Variants in LY75 observed in about 807,000 individuals in gnomAD.
The protein encoded by LY75 is lymphocyte antigen 75.
In LY75, 185 loss-of-function variants were observed where a neutral mutation model predicts 231.7. That is an observed-to-expected ratio of 0.80 (90% CI 0.71 to 0.90). The LOEUF (loss-of-function observed/expected upper bound fraction) is 0.90. LY75 is among the 40% of genes least tolerant of loss of function. LY75 has a pLI of 0.00. For synonymous variants in LY75, 668 were observed against 689.0 expected, an observed-to-expected ratio of 0.97 and a Z score of 0.48; for missense variants, 1,947 against 2,050.2, an observed-to-expected ratio of 0.95 and a Z score of 0.97.
intron 23 of LY75, among the ~76,000 whole-genome samples, chr2:159,844,167 A>C (rs533312934): frequency 6.6e-6 from 1 of 152,268 alleles, no homozygotes; most frequent in East Asian, 1.9e-4. Context: ...GACTCTATGA[A>C]GAGAGAGGAA....
At chr2:159,863,372 C>A (rs1684770368) in intron 14 of LY75, among the ~76,000 whole-genome samples, 1 of 152,102 alleles carries the variant, frequency 6.6e-6, no homozygotes, top group South Asian at 2.1e-4. Context: ...TTTGAGGGAC[C>A]TTCATAGTGT....
At chr2:159,829,865 A>G (rs972718024) in intron 28 of LY75, among the ~76,000 whole-genome samples, 3 of 152,188 alleles carry the variant, frequency 2.0e-5, no homozygotes, top group Non-Finnish European at 4.4e-5. Context: ...CTTTTTCAGA[A>G]TTTATAATAG....
At chr2:159,846,316 G>A (rs1574552743) in intron 23 of LY75, among the ~76,000 whole-genome samples, 1 of 152,192 alleles carries the variant, frequency 6.6e-6, no homozygotes, top group East Asian at 1.9e-4. Flanking sequence ...CTTGAAGCCA[G>A]GGGTTCCAGA....
chr2:159,864,265 G>A (rs1039086529), intron 14 of LY75, among the ~76,000 whole-genome samples: 1 of 151,914 alleles, frequency 6.6e-6, no homozygotes, highest in African/African-American at 2.4e-5. Context: ...TGTCTATTTT[G>A]GTTTTTGTTG....
intron 15 of LY75, 88 bp from the exon 16 acceptor site, chr2:159,858,564 T>C: frequency 7.2e-7 from 1 of 1,390,198 alleles, no homozygotes; most frequent in South Asian, 1.6e-5. Context: ...CTTTGATCTC[T>C]ATTTTAGCTC....
chr2:159,886,351 G>A (rs2271383), intron 5 of LY75, 69 bp downstream of exon 5: 267,965 of 1,467,292 alleles, frequency 0.18, 26,239 homozygotes, highest in Admixed American at 0.36. Flanking sequence ...CTAAGCTATT[G>A]GTGAGTGAGA....
In LY75 at chr2:159,872,459, G is replaced by A. The variant is rs201774339; in HGVS notation, c.2109C>T (p.Asp703=). ...CATTCTTAAAGTATTACCTGAACTG[G>A]TCCGTTAAAAAGTGAAGAAATTCCT... ...EIKEFLHFLT[D]QFSGQHWLWI... The change falls in exon 13 of 35, where the codon GAC becomes GAT. Residue 703 remains aspartate, a synonymous_variant. Transcript: ENST00000263636. 5 of 1,613,536 alleles carry A rather than the reference G, an allele frequency of 3.1e-6. No homozygotes were observed. In the East Asian group the frequency reaches 8.9e-5, roughly 29 times the overall value.
intron 25 of LY75, among the ~76,000 whole-genome samples, chr2:159,836,043 A>G (rs1192649971): frequency 1.3e-5 from 2 of 152,154 alleles, no homozygotes; most frequent in African/African-American, 4.8e-5. Flanking sequence ...GAAAGCTAAA[A>G]TGGGGTGAGG....
intron 31 of LY75, among the ~76,000 whole-genome samples, chr2:159,812,037 T>G (rs753927341): frequency 5.9e-5 from 9 of 152,236 alleles, no homozygotes; most frequent in Non-Finnish European, 1.3e-4. Flanking sequence ...TGCTGATTAC[T>G]CATTGTTGCA....
chr2:159,835,907 A>G (rs1269006379), intron 25 of LY75, among the ~76,000 whole-genome samples: 1 of 152,196 alleles, frequency 6.6e-6, no homozygotes, highest in African/African-American at 2.4e-5. Context: ...ACTTGTGCAA[A>G]GTCCCACAGA....
intron 1 of LY75, among the ~76,000 whole-genome samples, chr2:159,900,367 A>C (rs1686038134): frequency 6.6e-6 from 1 of 152,262 alleles, no homozygotes; most frequent in Non-Finnish European, 1.5e-5. Flanking sequence ...TTTACAAAGG[A>C]AAATTTTAAA....
intron 3 of LY75, 107 bp from the exon 4 acceptor site, chr2:159,890,484 C>A: frequency 6.8e-7 from 1 of 1,470,280 alleles, no homozygotes; most frequent in Non-Finnish European, 9.2e-7. Flanking sequence ...TTAGGATATG[C>A]CCAAAGGGAG....
intron 9 of LY75, 113 bp from the exon 10 acceptor site, chr2:159,878,834 C>T: frequency 8.7e-7 from 1 of 1,151,214 alleles, no homozygotes; most frequent in East Asian, 2.5e-5. Flanking sequence ...AAATTGAGGA[C>T]ATGGCTATTG....
Position 159,810,673 on chromosome 2 carries a change from T to C in LY75, c.4552A>G (p.Lys1518Glu), listed in dbSNP as rs1682933186. ...GAICYKPTKSKKLSRLTYSSR... is the reference protein window; with the variant it reads ...GAICYKPTKSEKLSRLTYSSR... ...GAATATGTAAGACGGGACAGCTTTT[T>C]AGCTATAAAAATGTTAGACACAGTT... Residue 1518 changes from lysine to glutamate, a missense_variant and splice_region_variant, in exon 32 of 35, where the codon AAA becomes GAA. By Grantham distance (56) the Lys-to-Glu change is moderately conservative. Transcript: ENST00000263636. 1 of 1,607,214 alleles carries C rather than the reference T, an allele frequency of 6.2e-7. No homozygotes were observed. Among genetic ancestry groups the C allele is most frequent in the African/African-American group, 1.3e-5 (1 of 74,434 alleles).
Position 159,837,675 on chromosome 2 carries a change from A to T in LY75, c.3508-2030T>A, listed in dbSNP as rs2556100. Among the ~76,000 whole-genome samples the T allele has an allele frequency of 0.016, 2,327 of 142,850 alleles. 146 individuals carry two copies. The East Asian group carries it at 0.22, about 13-fold the overall frequency. The allele number at this position is 142,850 out of a possible 152,430, so 93.7% of individuals were successfully genotyped here. On this transcript the variant is annotated intron_variant, in intron 25 of 34. Coordinates refer to ENST00000263636, the MANE Select transcript of LY75 (RefSeq NM_002349.4). ...TAAATCTGGCTTTTCCAAGGGAATA[A>T]TCTCCTTTCAGCACCCACAGGGGAA...
intron 14 of LY75, 28 bp downstream of exon 14, chr2:159,864,811 T>C: frequency 4.6e-6 from 7 of 1,525,174 alleles, no homozygotes; most frequent in Non-Finnish European, 6.2e-6. Context: ...GTTTCCATAC[T>C]ACCTAAAACA....
chr2:159,847,203 G>A (rs1408236791), intron 23 of LY75, among the ~76,000 whole-genome samples: 2 of 152,038 alleles, frequency 1.3e-5, no homozygotes, highest in African/African-American at 4.8e-5. Flanking sequence ...TAGTAGAGAC[G>A]GGGTTTCACT....
chr2:159,844,583 C>T (rs1002140300), intron 23 of LY75, among the ~76,000 whole-genome samples: 3 of 151,724 alleles, frequency 2.0e-5, no homozygotes, highest in Non-Finnish European at 2.9e-5. Flanking sequence ...GAAATGAAAA[C>T]GAGAGAGGTA....
chr2:159,803,526 AC>A lies in LY75; in HGVS notation c.*1517del, dbSNP rs1682716111. On this transcript the variant is annotated 3_prime_UTR_variant, in exon 35 of 35. Transcript: ENST00000263636. ...CTAACAAATTCAATAAGAAATCAGG[AC>A]AACTGTAGACTATATAAAAACTGTC... 1 of 152,216 alleles carries A rather than the reference AC, an allele frequency of 6.6e-6. No individual in the cohort carries two copies. 9.4% of individuals were successfully genotyped at this position (152,216 alleles called of 1,614,324 possible). A position where few individuals can be genotyped will look rare whatever the true frequency, so the allele number is the denominator to read the frequency against.
Sources: gnomAD v4.1 joint callset for allele counts (sites outside exome capture counted in the v4.1 genomes callset) on GRCh38, gnomAD v4.1.1 for gene constraint, MANE v1.5 for transcripts, NCBI Gene and HGNC (gene_info 2026-07-23, HGNC 2026-07-21) for gene names.